Variants in PCDHA4 observed in about 807,000 individuals in gnomAD.
The protein encoded by PCDHA4 is protocadherin alpha-4.
A neutral mutation model predicts 61.4 loss-of-function variants in PCDHA4; 49 were observed. That is an observed-to-expected ratio of 0.80 (90% CI 0.63 to 1.01). The LOEUF is 1.01. Ranked by LOEUF, PCDHA4 falls within the 50% of genes least tolerant of loss-of-function variation. The pLI, the probability that PCDHA4 is intolerant of heterozygous loss-of-function variation, is 0.00. For synonymous variants in PCDHA4, 590 were observed against 550.3 expected, an observed-to-expected ratio of 1.07 and a Z score of -1.01; for missense variants, 1,254 against 1,235.8, an observed-to-expected ratio of 1.01 and a Z score of -0.22.
At chr5:140,817,795 A>G (rs1766205087) in intron 1 of PCDHA4, among the ~76,000 whole-genome samples, 1 of 152,196 alleles carries the variant, frequency 6.6e-6, no homozygotes, top group Non-Finnish European at 1.5e-5. Context: ...GCTGGTAAAG[A>G]AACCTTTACG....
chr5:140,978,406 T>C (rs1268497033), intron 1 of PCDHA4, among the ~76,000 whole-genome samples: 1 of 152,206 alleles, frequency 6.6e-6, no homozygotes, highest in African/African-American at 2.4e-5. Context: ...CCCTCTTCAA[T>C]CAGAAAAGAG....
At chr5:140,893,137 C>T (rs2153441262) in intron 1 of PCDHA4, among the ~76,000 whole-genome samples, 1 of 152,298 alleles carries the variant, frequency 6.6e-6, no homozygotes, top group South Asian at 2.1e-4. Context: ...TTTCTTTATC[C>T]ACTCATCTGT....
chr5:140,898,153 G>C (rs1379342887), intron 1 of PCDHA4, among the ~76,000 whole-genome samples: 3 of 152,182 alleles, frequency 2.0e-5, no homozygotes, highest in South Asian at 2.1e-4. Context: ...TGTTCACGCT[G>C]ATGGTGGTTT....
intron 1 of PCDHA4, chr5:140,828,730 A>G (rs2150158327): frequency 1.2e-6 from 2 of 1,614,250 alleles, no homozygotes; most frequent in Non-Finnish European, 1.7e-6. Context: ...TATTCCTGAC[A>G]GCCACAGATG....
At chr5:140,945,761 G>T (rs2093839627) in intron 1 of PCDHA4, among the ~76,000 whole-genome samples, 1 of 152,118 alleles carries the variant, frequency 6.6e-6, no homozygotes, top group East Asian at 1.9e-4. Flanking sequence ...AATGGTGGTG[G>T]GACAATTTGA....
At chr5:140,877,067 A>C in intron 1 of PCDHA4, 4 of 1,613,082 alleles carry the variant, frequency 2.5e-6, no homozygotes, top group Non-Finnish European at 3.4e-6. Context: ...GAGCTGCTGC[A>C]GTTCCAGGTG....
chr5:140,873,172 G>A (rs545473160), intron 1 of PCDHA4, among the ~76,000 whole-genome samples: 1 of 152,202 alleles, frequency 6.6e-6, no homozygotes, highest in African/African-American at 2.4e-5. Flanking sequence ...GAGAGCTTTT[G>A]TATCATAATA....
In PCDHA4 at chr5:140,877,394, A is replaced by G. The variant is rs538259450; in HGVS notation, c.2385+67822A>G. 5.6e-6 allele frequency: 9 copies of G among 1,613,930 alleles called. No individual in the cohort carries two copies. In the South Asian group the frequency reaches 8.8e-5, roughly 16 times the overall value. On this transcript the variant is annotated intron_variant, in intron 1 of 3. Transcript: ENST00000530339. ...ACGACACGCATCCTGGATGAGGCGG[A>G]CGCTCCGCGCCACCGCCTGCTGGTG... is the stretch of plus-strand genomic sequence containing the variant.
At chr5:140,996,355 G>A (rs1164124431) in intron 3 of PCDHA4, among the ~76,000 whole-genome samples, 1 of 152,218 alleles carries the variant, frequency 6.6e-6, no homozygotes, top group Non-Finnish European at 1.5e-5. Flanking sequence ...ACCAAAGTCA[G>A]AAGCCATTTT....
At chr5:141,000,361 GTC>G (rs148596731) in intron 3 of PCDHA4, among the ~76,000 whole-genome samples, 577 of 26,370 alleles carry the variant, frequency 0.022, 17 homozygotes, top group Admixed American at 0.027. Context: ...GTCTCTCTCT[GTC>G]TCTCTCTCTC....
At chr5:140,927,970 G>C in intron 1 of PCDHA4, 2 of 1,614,216 alleles carry the variant, frequency 1.2e-6, no homozygotes, top group Non-Finnish European at 1.7e-6. Context: ...CACAGTGATT[G>C]CTCTCTTTAG....
In PCDHA4 at chr5:140,876,715, C is replaced by G. The variant is rs570565884; in HGVS notation, c.2385+67143C>G. 3.1e-5 allele frequency: 50 copies of G among 1,614,234 alleles called. No homozygotes were observed. The highest frequency in any genetic ancestry group is 3.3e-4 in the Middle Eastern group (2 of 6,062). On this transcript the variant is annotated intron_variant, in intron 1 of 3. Coordinates refer to ENST00000530339, the MANE Select transcript of PCDHA4 (RefSeq NM_018907.4). ...GTTGGTGCTGGACAGCGCCCTGGAC[C>G]GCGAGAGCGTGTCGGCCTATGAGCT...
Position 140,988,605 on chromosome 5 carries a change from A to G in PCDHA4, c.2533+6042A>G, listed in dbSNP as rs558232011. Among the ~76,000 whole-genome samples, 7 of 152,332 alleles carry G rather than the reference A, an allele frequency of 4.6e-5. No homozygotes were observed. In the East Asian group the frequency reaches 1.2e-3, roughly 25 times the overall value. On this transcript the variant is annotated intron_variant, in intron 3 of 3. Coordinates refer to ENST00000530339, the MANE Select transcript of PCDHA4 (RefSeq NM_018907.4). ...TTCCACTTTTAATGGTCATGTAAAT[A>G]AAAGACTAGAATGGAGATGTCCTGG...
At chr5:140,830,003 G>T (rs1554132452) in intron 1 of PCDHA4, 5 of 1,613,852 alleles carry the variant, frequency 3.1e-6, no homozygotes, top group Non-Finnish European at 4.2e-6. Flanking sequence ...TCGTGTCCTG[G>T]ACGAAGCGGA....
chr5:140,920,692 A>G (rs552577858), intron 1 of PCDHA4, among the ~76,000 whole-genome samples: 2 of 152,232 alleles, frequency 1.3e-5, no homozygotes, highest in Non-Finnish European at 2.9e-5. Flanking sequence ...AAAAATACAA[A>G]CATTAGCTTG....
chr5:140,881,669 T>C (rs1030695213), intron 1 of PCDHA4, among the ~76,000 whole-genome samples: 17 of 152,248 alleles, frequency 1.1e-4, no homozygotes, highest in African/African-American at 4.1e-4. Context: ...TTTATTCTTA[T>C]GTGATTGTTA....
rs782776341 is a variant in PCDHA4 at position 140,884,056 on chromosome 5, G to A, written c.2385+74484G>A. On this transcript the variant is annotated intron_variant, in intron 1 of 3. Coordinates refer to ENST00000530339, the MANE Select transcript of PCDHA4 (RefSeq NM_018907.4). ...GCCACGTGGTGGCGAAGGTGCGCGC[G>A]GTGGACGCCGATTCGGGCTACAATG... 3.1e-6 allele frequency: 5 copies of A among 1,613,476 alleles called. No homozygotes were observed. In the South Asian group the frequency reaches 4.4e-5, roughly 14 times the overall value.
chr5:140,817,546 C>T (rs1334430730), intron 1 of PCDHA4: 1 of 152,194 alleles, frequency 6.6e-6, no homozygotes, highest in East Asian at 1.9e-4. Context: ...TTATAACACA[C>T]ATCCTTGACT....
chr5:140,896,540 T>C (rs1372765271), intron 1 of PCDHA4, among the ~76,000 whole-genome samples: 1 of 151,560 alleles, frequency 6.6e-6, no homozygotes, highest in Non-Finnish European at 1.5e-5. Flanking sequence ...ATTTTTCTTT[T>C]TTTTTTTTGT....
Sources: allele counts gnomAD v4.1 joint callset (sites outside exome capture counted in the v4.1 genomes callset), GRCh38; gene constraint gnomAD v4.1.1; transcripts MANE v1.5; gene names NCBI Gene and HGNC (gene_info 2026-07-23, HGNC 2026-07-21).